The following INTU variants were observed in gnomAD, a reference collection of about 807,000 sequenced individuals.
INTU encodes inturned planar cell polarity protein.
INTU carries 68 observed loss-of-function variants against 100.5 expected under a neutral mutation model. The observed-to-expected ratio is 0.68, with a 90% CI of 0.56 to 0.83. The LOEUF (loss-of-function observed/expected upper bound fraction) is 0.83, where lower values mean the gene tolerates loss of function less well. Ranked by LOEUF, INTU falls within the 40% of genes least tolerant of loss-of-function variation. INTU has a pLI of 0.00. For missense variants in INTU, 1,071 were observed against 1,114.7 expected, an observed-to-expected ratio of 0.96 and a Z score of 0.56; for synonymous variants, 357 against 395.7, an observed-to-expected ratio of 0.90 and a Z score of 1.16.
At chr4:127,696,500 A>G (rs779779343) in intron 8 of INTU, among the ~76,000 whole-genome samples, 4 of 151,890 alleles carry the variant, frequency 2.6e-5, no homozygotes, top group Non-Finnish European at 5.9e-5. Flanking sequence ...CTATCCTTTT[A>G]ATGTCCATGG....
intron 2 of INTU, among the ~76,000 whole-genome samples, chr4:127,645,219 C>T (rs923319974): frequency 6.6e-6 from 1 of 152,086 alleles, no homozygotes; most frequent in Non-Finnish European, 1.5e-5. Context: ...TCTGGGTGGG[C>T]CGGTGACTAC....
chr4:127,676,765 C>T (rs1019221230), intron 6 of INTU, among the ~76,000 whole-genome samples: 5 of 152,210 alleles, frequency 3.3e-5, no homozygotes, highest in Admixed American at 6.5e-5. Context: ...GTGGGTGCAG[C>T]GCACCATGCC....
intron 11 of INTU, among the ~76,000 whole-genome samples, 164 bp from the exon 12 acceptor site, chr4:127,706,320 CATT>C (rs1445344349): frequency 3.3e-5 from 5 of 152,092 alleles, no homozygotes; most frequent in Admixed American, 6.5e-5. Flanking sequence ...GATCAAGAAG[CATT>C]AATAATAACC....
chr4:127,716,341 C>T lies in INTU; in HGVS notation c.2734C>T (p.Pro912Ser). The T allele has an allele frequency of 6.4e-7, 1 of 1,563,196 alleles. No individual in the cohort carries two copies. Among genetic ancestry groups the T allele is most frequent in the Non-Finnish European group, 8.7e-7 (1 of 1,153,476 alleles). The change falls in exon 16 of 16, where the codon CCA (proline) becomes TCA (serine). Residue 912 changes from proline to serine, a missense_variant. Transcript: ENST00000335251. The part of the protein sequence containing the change: ...YWVVGRLFLH[P>S]KPQELYVCFH... ...CTTCTGCAGGAGACTTTTTCTTCAT[C>T]CAAAACCTCAAGAACTTTATGTCTG...
chr4:127,706,622 A>G lies in INTU; in HGVS notation c.1924A>G (p.Ile642Val). 6.2e-7 allele frequency: 1 copy of G among 1,614,114 alleles called. No homozygotes were observed. ...LHQLDGVDSR[I>V]DERLASSPVP... is the part of the protein sequence containing the mutation. Reference sequence around the variant, plus strand: ...CCAGCTGGATGGAGTAGATTCTCGCATAGATGAACGGCTAGCATCTTCTCC... The same window carrying G: ...CCAGCTGGATGGAGTAGATTCTCGCGTAGATGAACGGCTAGCATCTTCTCC... The change falls in exon 12 of 16, where the codon ATA becomes GTA. Residue 642 changes from isoleucine (I) to valine (V), a missense_variant. Coordinates refer to ENST00000335251, the MANE Select transcript of INTU (RefSeq NM_015693.4).
chr4:127,706,349 C>A, intron 11 of INTU, 138 bp from the exon 12 acceptor site: 2 of 701,830 alleles, frequency 2.8e-6, no homozygotes, highest in Non-Finnish European at 4.5e-6. Context: ...GGAAAGATGA[C>A]GGAGGAATTT....
intron 2 of INTU, among the ~76,000 whole-genome samples, chr4:127,652,776 G>C (rs1163160510): frequency 1.5e-5 from 2 of 134,664 alleles, no homozygotes; most frequent in Non-Finnish European, 3.1e-5. Context: ...CTATTGATTG[G>C]AATAGTTTCA....
At chr4:127,643,389 A>AAAT (rs1453432542) in intron 1 of INTU, 132 bp from the exon 2 acceptor site, 1 of 594,698 alleles carries the variant, frequency 1.7e-6, no homozygotes, top group African/African-American at 1.9e-5. Context: ...GGATAATTTG[A>AAAT]AATAATAAAG....
chr4:127,700,556 A>C (rs903164314), intron 9 of INTU, among the ~76,000 whole-genome samples: 23 of 152,206 alleles, frequency 1.5e-4, no homozygotes, highest in African/African-American at 5.1e-4. Context: ...GAATTGGCTC[A>C]TTCAAAATTG....
intron 6 of INTU, among the ~76,000 whole-genome samples, chr4:127,681,573 G>T (rs528484172): frequency 2.0e-5 from 3 of 151,930 alleles, no homozygotes; most frequent in African/African-American, 4.8e-5. Flanking sequence ...AAACTGGATC[G>T]CTTCCTTACA....
intron 8 of INTU, among the ~76,000 whole-genome samples, chr4:127,699,808 A>G (rs989349328): frequency 2.6e-5 from 4 of 152,234 alleles, no homozygotes; most frequent in African/African-American, 9.6e-5. Context: ...CTTAAAAACA[A>G]TATGTTAAAT....
chr4:127,655,895 T>C (rs1728183915), intron 2 of INTU, among the ~76,000 whole-genome samples: 3 of 152,136 alleles, frequency 2.0e-5, no homozygotes, highest in African/African-American at 7.2e-5. Flanking sequence ...CGTAGGACCC[T>C]CCGAGCCAGG....
chr4:127,702,333 C>A (rs1730684262), intron 9 of INTU, among the ~76,000 whole-genome samples: 1 of 152,192 alleles, frequency 6.6e-6, no homozygotes, highest in Admixed American at 6.6e-5. Context: ...TTCAACCAGT[C>A]TGTTCCTATC....
intron 8 of INTU, among the ~76,000 whole-genome samples, chr4:127,689,931 G>A (rs576894017): frequency 2.0e-5 from 3 of 152,178 alleles, no homozygotes; most frequent in Non-Finnish European, 4.4e-5. Flanking sequence ...TCATGAGTCA[G>A]AAGGTACCAT....
chr4:127,692,678 G>T (rs1470454455), intron 8 of INTU, among the ~76,000 whole-genome samples: 3 of 152,096 alleles, frequency 2.0e-5, no homozygotes, highest in African/African-American at 7.2e-5. Flanking sequence ...GTCTAGAAGG[G>T]TTTTTCCAAT....
intron 6 of INTU, among the ~76,000 whole-genome samples, chr4:127,680,626 C>CA (rs1729488754): frequency 8.7e-6 from 1 of 114,632 alleles, no homozygotes; most frequent in South Asian, 3.6e-4. Context: ...CTATCTATGA[C>CA]AAACCCACAG....
chr4:127,712,531 A>C (rs916199809), intron 14 of INTU, among the ~76,000 whole-genome samples: 10 of 152,238 alleles, frequency 6.6e-5, no homozygotes, highest in Non-Finnish European at 1.2e-4. Context: ...GGACAAAACA[A>C]AGTCCCTTCC....
Position 127,656,660 on chromosome 4 carries a change from A to G in INTU, c.707A>G (p.Asp236Gly). The change falls in exon 3 of 16, where the codon GAT (aspartate) becomes GGT (glycine). Residue 236 changes from aspartate (D) to glycine (G), a missense_variant. Asp to Gly is a moderately conservative substitution (Grantham distance 94). Transcript: ENST00000335251. ...LIGDVLVAVNDVDVTTENIER... is the reference protein window; with the variant it reads ...LIGDVLVAVNGVDVTTENIER... ...GGTGATGTCCTTGTTGCTGTGAATG[A>G]TGTCGATGTTACTACTGAAAACATC... 1 of 1,610,558 alleles carries G rather than the reference A, an allele frequency of 6.2e-7. No homozygotes were observed. Among genetic ancestry groups the G allele is most frequent in the East Asian group, 2.2e-5 (1 of 44,848 alleles).
At position 127,663,657 on chromosome 4, in the gene INTU, C is replaced by T. The variant is rs901211682; in HGVS notation, c.972+73C>T. 7.7e-6 allele frequency: 9 copies of T among 1,161,818 alleles called. No homozygotes were observed. The African/African-American group carries it at 1.2e-4, about 16-fold the overall frequency. The allele number at this position is 1,161,818 out of a possible 1,614,324, so 72.0% of individuals were successfully genotyped here. On this transcript the variant is annotated intron_variant, in intron 4 of 15. Coordinates refer to ENST00000335251, the MANE Select transcript of INTU (RefSeq NM_015693.4). ...AAAGGAAAAAGTAAGGACCTTTTAT[C>T]GTATTCCCAGTGAATAGTGAGTATA...
Sources: gnomAD v4.1 joint callset for allele counts (sites outside exome capture counted in the v4.1 genomes callset) on GRCh38, gnomAD v4.1.1 for gene constraint, MANE v1.5 for transcripts, NCBI Gene and HGNC (gene_info 2026-07-23, HGNC 2026-07-21) for gene names.